SLC2A13: variants seen among roughly 807,000 people sequenced by gnomAD.
SLC2A13 encodes the protein proton myo-inositol cotransporter.
SLC2A13 carries 32 observed loss-of-function variants against 64.4 expected under a neutral mutation model. The observed-to-expected ratio is 0.50, with a 90% CI of 0.37 to 0.67. The LOEUF (loss-of-function observed/expected upper bound fraction) is 0.67, where lower values mean the gene tolerates loss of function less well. Ranked by LOEUF, SLC2A13 falls within the 30% of genes least tolerant of loss-of-function variation. The pLI is 0.00. For missense variants in SLC2A13, 743 were observed against 829.2 expected, an observed-to-expected ratio of 0.90 and a Z score of 1.28; for synonymous variants, 338 against 327.1, an observed-to-expected ratio of 1.03 and a Z score of -0.36.
intron 4 of SLC2A13, among the ~76,000 whole-genome samples, chr12:39,884,447 A>G (rs1944422680): frequency 6.6e-6 from 1 of 152,238 alleles, no homozygotes; most frequent in African/African-American, 2.4e-5. Flanking sequence ...AATAAGTCAC[A>G]GTAATAAATT....
At position 39,757,592 on chromosome 12, in the gene SLC2A13, T is replaced by G. The variant is rs1940002643; in HGVS notation, c.*2434A>C. 6.6e-6 allele frequency: 1 copy of G among 151,824 alleles called. No homozygotes were observed. Among genetic ancestry groups the G allele is most frequent in the Non-Finnish European group, 1.5e-5 (1 of 67,700 alleles). The allele number at this position is 151,824 out of a possible 1,614,324, so 9.4% of individuals were successfully genotyped here. A position where few individuals can be genotyped will look rare whatever the true frequency, so the allele number is the denominator to read the frequency against. Reference sequence around the variant, plus strand: ...TATACTGTGCCTCTCTGTCTTATACTTCAAAGATATGGAATATTATCTTTA... The same window carrying G: ...TATACTGTGCCTCTCTGTCTTATACGTCAAAGATATGGAATATTATCTTTA... On this transcript the variant is annotated 3_prime_UTR_variant, in exon 10 of 10. Transcript: ENST00000280871.
intron 4 of SLC2A13, among the ~76,000 whole-genome samples, chr12:39,912,871 C>T (rs1945453744): frequency 6.6e-6 from 1 of 152,082 alleles, no homozygotes; most frequent in African/African-American, 2.4e-5. Context: ...ACGTGGCCTA[C>T]ATACAACATA....
intron 4 of SLC2A13, among the ~76,000 whole-genome samples, chr12:39,874,965 T>C (rs1465682218): frequency 1.3e-5 from 2 of 152,228 alleles, no homozygotes; most frequent in Non-Finnish European, 2.9e-5. Flanking sequence ...GACAGCCTTG[T>C]ATCTCCCTCT....
chr12:40,089,246 G>T (rs1356108937), intron 1 of SLC2A13, among the ~76,000 whole-genome samples: 1 of 152,002 alleles, frequency 6.6e-6, no homozygotes, highest in Non-Finnish European at 1.5e-5. Context: ...CATAACAAAA[G>T]ACCTAAAATA....
chr12:39,772,727 C>A (rs1001913220), intron 7 of SLC2A13, among the ~76,000 whole-genome samples: 1 of 152,126 alleles, frequency 6.6e-6, no homozygotes, highest in Non-Finnish European at 1.5e-5. Flanking sequence ...TTACTCTTTT[C>A]GTTATTATCA....
chr12:39,809,346 GTCTT>G (rs938763245), intron 7 of SLC2A13, among the ~76,000 whole-genome samples: 2 of 152,070 alleles, frequency 1.3e-5, no homozygotes, highest in Non-Finnish European at 2.9e-5. Flanking sequence ...GATAGGGCAT[GTCTT>G]TCTTTTTCAG....
intron 4 of SLC2A13, among the ~76,000 whole-genome samples, chr12:39,901,096 C>T (rs547950740): frequency 6.6e-6 from 1 of 152,120 alleles, no homozygotes; most frequent in Non-Finnish European, 1.5e-5. Context: ...GGAAAGGATT[C>T]CCTATTTAAT....
At chr12:39,786,928 G>T (rs1941207971) in intron 7 of SLC2A13, among the ~76,000 whole-genome samples, 1 of 152,126 alleles carries the variant, frequency 6.6e-6, no homozygotes, top group South Asian at 2.1e-4. Flanking sequence ...AGTCATAATA[G>T]CCAGAGGACT....
chr12:40,032,535 G>T (rs1342905521), intron 2 of SLC2A13, among the ~76,000 whole-genome samples: 1 of 152,180 alleles, frequency 6.6e-6, no homozygotes, highest in Non-Finnish European at 1.5e-5. Flanking sequence ...TGTCAACAAA[G>T]AACAATCCCA....
intron 3 of SLC2A13, among the ~76,000 whole-genome samples, chr12:39,981,582 T>A (rs1445999406): frequency 6.6e-6 from 1 of 150,590 alleles, no homozygotes; most frequent in African/African-American, 2.4e-5. Context: ...CTAGAAGAAA[T>A]GGATACATTC....
chr12:39,764,217 A>G (rs1940265674), intron 9 of SLC2A13, among the ~76,000 whole-genome samples: 1 of 151,782 alleles, frequency 6.6e-6, no homozygotes, highest in Non-Finnish European at 1.5e-5. Flanking sequence ...CTGAGTTGGG[A>G]GAGGGGTTGG....
At chr12:39,976,568 T>A (rs1946762777) in intron 3 of SLC2A13, among the ~76,000 whole-genome samples, 2 of 146,582 alleles carry the variant, frequency 1.4e-5, no homozygotes, top group South Asian at 2.1e-4. Context: ...AATCTTCACT[T>A]TTTTTTTTAA....
Position 39,871,974 on chromosome 12 carries a change from GA to G in SLC2A13, c.1035-14del. The G allele has an allele frequency of 6.5e-7, 1 of 1,549,944 alleles. No homozygotes were observed. Among genetic ancestry groups the G allele is most frequent in the South Asian group, 1.2e-5 (1 of 80,086 alleles). On this transcript the variant is annotated splice_polypyrimidine_tract_variant and intron_variant, in intron 4 of 9. Coordinates refer to ENST00000280871, the MANE Select transcript of SLC2A13 (RefSeq NM_052885.4). ...TGCACTGTAGTACCTGCAAAGCAAT[GA>G]ATAAAACAATTGCTATTGATAGTTA...
chr12:40,017,476 G>T (rs559428202), intron 3 of SLC2A13, among the ~76,000 whole-genome samples: 28 of 152,158 alleles, frequency 1.8e-4, no homozygotes, highest in South Asian at 4.1e-4. Context: ...TCTCTCTATT[G>T]CAAGAGCCTG....
chr12:39,996,473 T>C (rs369026147), intron 3 of SLC2A13, among the ~76,000 whole-genome samples: 2 of 152,232 alleles, frequency 1.3e-5, no homozygotes, highest in Non-Finnish European at 1.5e-5. Context: ...AGAAGCCAAA[T>C]GTTAATCCCC....
At chr12:40,012,295 T>C (rs772187749) in intron 3 of SLC2A13, among the ~76,000 whole-genome samples, 3 of 152,234 alleles carry the variant, frequency 2.0e-5, no homozygotes, top group Non-Finnish European at 4.4e-5. Flanking sequence ...ATTTTATTAG[T>C]AGCATCTGTC....
At chr12:39,845,450 T>C (rs528081504) in intron 6 of SLC2A13, among the ~76,000 whole-genome samples, 2 of 152,242 alleles carry the variant, frequency 1.3e-5, no homozygotes, top group Admixed American at 6.5e-5. Context: ...GACAACATAA[T>C]CAAAGGAAGA....
intron 4 of SLC2A13, among the ~76,000 whole-genome samples, chr12:39,894,533 G>T (rs1944690841): frequency 6.6e-6 from 1 of 152,188 alleles, no homozygotes; most frequent in East Asian, 1.9e-4. Context: ...CTGCTGAATT[G>T]ATTTAGCTTG....
intron 1 of SLC2A13, among the ~76,000 whole-genome samples, chr12:40,053,319 T>C (rs968984515): frequency 1.3e-5 from 2 of 149,274 alleles, no homozygotes; most frequent in Admixed American, 1.3e-4. Flanking sequence ...ATAAACAGGC[T>C]GGTGGAACTG....
Sources: allele counts gnomAD v4.1 joint callset (sites outside exome capture counted in the v4.1 genomes callset), GRCh38; gene constraint gnomAD v4.1.1; transcripts MANE v1.5; gene names NCBI Gene and HGNC (gene_info 2026-07-23, HGNC 2026-07-21).